Variants in KCNG3 observed in about 807,000 individuals in gnomAD.
KCNG3 encodes the protein voltage-gated potassium channel regulatory subunit KCNG3.
KCNG3 carries 15 observed loss-of-function variants against 29.0 expected under a neutral mutation model. That is an observed-to-expected ratio of 0.52 (90% CI 0.35 to 0.80). The LOEUF is 0.80. KCNG3 is among the 30% of genes least tolerant of loss of function. KCNG3 has a pLI of 0.01. For missense variants in KCNG3, 512 were observed against 605.7 expected, an observed-to-expected ratio of 0.85 and a Z score of 1.62; for synonymous variants, 322 against 248.9, an observed-to-expected ratio of 1.29 and a Z score of -2.76.
At chr2:42,393,527 C>T in the KCNG3 span, among the ~76,000 whole-genome samples, 7 of 151,792 alleles carry the variant, frequency 4.6e-5, no homozygotes, top group African/African-American at 1.7e-4. Context: ...CACCACTGCA[C>T]TCCAGCCTGG....
At chr2:42,403,949 CT>C in the KCNG3 span, among the ~76,000 whole-genome samples, 1 of 152,162 alleles carries the variant, frequency 6.6e-6, no homozygotes. Context: ...CTGTTTTACT[CT>C]CTTTATCCAG....
At chr2:42,481,151 A>C (rs1022100848) in intron 1 of KCNG3, among the ~76,000 whole-genome samples, 13 of 152,212 alleles carry the variant, frequency 8.5e-5, no homozygotes, top group Non-Finnish European at 1.6e-4. Context: ...TCTGCGGGTT[A>C]TAGTCTGCCC....
At chr2:42,401,382 A>G in the KCNG3 span, among the ~76,000 whole-genome samples, 1 of 150,490 alleles carries the variant, frequency 6.6e-6, no homozygotes. Flanking sequence ...AGGAGAAAGG[A>G]GCTGAAATAT....
intron 1 of KCNG3, among the ~76,000 whole-genome samples, chr2:42,466,753 C>CTT (rs1553329192): frequency 1.1e-3 from 154 of 134,270 alleles, no homozygotes; most frequent in African/African-American, 3.1e-3. Flanking sequence ...AATACTCTTC[C>CTT]TTTTTTTTTT....
At chr2:42,471,128 G>T (rs903241197) in intron 1 of KCNG3, among the ~76,000 whole-genome samples, 8 of 150,214 alleles carry the variant, frequency 5.3e-5, no homozygotes, top group Non-Finnish European at 1.0e-4. Context: ...CTCCAGCCTG[G>T]GCAACAGAGT....
At chr2:42,455,995 T>C (rs1035031859) in intron 1 of KCNG3, among the ~76,000 whole-genome samples, 3 of 149,986 alleles carry the variant, frequency 2.0e-5, no homozygotes, top group Admixed American at 6.7e-5. Context: ...ATTTTAAATA[T>C]AGTACAATAT....
intron 1 of KCNG3, among the ~76,000 whole-genome samples, chr2:42,488,617 T>C (rs1673787667): frequency 6.6e-6 from 1 of 151,660 alleles, no homozygotes; most frequent in South Asian, 2.1e-4. Context: ...TAGCGTGATA[T>C]CGGCTTACTG....
intron 1 of KCNG3, among the ~76,000 whole-genome samples, chr2:42,478,304 T>C (rs1451755289): frequency 1.3e-5 from 2 of 152,198 alleles, no homozygotes; most frequent in African/African-American, 2.4e-5. Context: ...GGCACCTTCA[T>C]GGCTCACTGC....
the KCNG3 span, among the ~76,000 whole-genome samples, chr2:42,421,416 G>C: frequency 6.6e-6 from 1 of 152,196 alleles, no homozygotes; most frequent in African/African-American, 2.4e-5. Context: ...TTTAAACTAA[G>C]ACCTAAAGGA....
the KCNG3 span, among the ~76,000 whole-genome samples, chr2:42,429,623 A>G: frequency 6.6e-6 from 1 of 152,190 alleles, no homozygotes; most frequent in Non-Finnish European, 1.5e-5. Context: ...ATAGGATGGC[A>G]CTTCCAACAC....
In KCNG3 at chr2:42,443,708, G is replaced by T. The variant is rs183721398; in HGVS notation, c.*226C>A. ...CGGGAAAACAAGTCTAAATAAAACCGGGTCCTAAAGTTTACTCTAGGAGTC... is the reference window on the plus strand; with the variant it reads ...CGGGAAAACAAGTCTAAATAAAACCTGGTCCTAAAGTTTACTCTAGGAGTC... On this transcript the variant is annotated 3_prime_UTR_variant, in exon 2 of 2. Transcript: ENST00000306078. 1 of 394,380 alleles carries T rather than the reference G, an allele frequency of 2.5e-6. No individual in the cohort carries two copies. Among genetic ancestry groups the T allele is most frequent in the Middle Eastern group, 6.7e-4 (1 of 1,498 alleles). 24.4% of individuals were successfully genotyped at this position (394,380 alleles called of 1,614,324 possible).
the KCNG3 span, among the ~76,000 whole-genome samples, chr2:42,417,243 A>T: frequency 6.6e-6 from 1 of 152,230 alleles, no homozygotes; most frequent in African/African-American, 2.4e-5. Context: ...ACTCCATCTC[A>T]AAAAATAAAA....
chr2:42,463,955 T>A (rs17029739), intron 1 of KCNG3: 28,984 of 326,118 alleles, frequency 0.089, 1,885 homozygotes, highest in African/African-American at 0.19. Flanking sequence ...AACACATCCC[T>A]GGCAGATTTG....
the KCNG3 span, among the ~76,000 whole-genome samples, chr2:42,405,796 T>C: frequency 1.3e-5 from 2 of 152,200 alleles, no homozygotes; most frequent in African/African-American, 4.8e-5. Context: ...TTAGTAGTGA[T>C]GGCGTTTCAC....
chr2:42,418,573 G>C, the KCNG3 span, among the ~76,000 whole-genome samples: 3 of 152,074 alleles, frequency 2.0e-5, no homozygotes, highest in Non-Finnish European at 4.4e-5. Flanking sequence ...TTTAAAACTA[G>C]TAAAGAGTTT....
intron 1 of KCNG3, chr2:42,470,310 A>T (rs925804443): frequency 1.1e-4 from 34 of 304,954 alleles, no homozygotes; most frequent in African/African-American, 2.1e-4. Flanking sequence ...TTTAAATTTT[A>T]AAAAAATGTA....
At chr2:42,418,519 ATTTC>A in the KCNG3 span, among the ~76,000 whole-genome samples, 3 of 152,240 alleles carry the variant, frequency 2.0e-5, no homozygotes, top group East Asian at 1.9e-4. Flanking sequence ...CATTTTGTAT[ATTTC>A]TTTATTATTT....
At chr2:42,395,347 G>T in the KCNG3 span, among the ~76,000 whole-genome samples, 1 of 152,182 alleles carries the variant, frequency 6.6e-6, no homozygotes, top group East Asian at 1.9e-4. Flanking sequence ...CAAAGGCCAG[G>T]ATTGGGTAGT....
chr2:42,433,878 T>C, the KCNG3 span, among the ~76,000 whole-genome samples: 1 of 152,218 alleles, frequency 6.6e-6, no homozygotes, highest in African/African-American at 2.4e-5. Context: ...TATTCCAGGC[T>C]CTCTGGCCTT....
Sources: gnomAD v4.1 joint callset for allele counts (sites outside exome capture counted in the v4.1 genomes callset) on GRCh38, gnomAD v4.1.1 for gene constraint, MANE v1.5 for transcripts, NCBI Gene and HGNC (gene_info 2026-07-23, HGNC 2026-07-21) for gene names.